Variants in SOBP observed in about 807,000 individuals in gnomAD.
SOBP encodes the protein sine oculis binding protein homolog.
In SOBP, 4 loss-of-function variants were observed where a neutral mutation model predicts 53.6. That is an observed-to-expected ratio of 0.07 (90% CI 0.04 to 0.17). SOBP has a LOEUF of 0.17. SOBP is among the 10% of genes least tolerant of loss of function. SOBP has a pLI of 1.00. For synonymous variants in SOBP, 584 were observed against 522.6 expected (o/e 1.12, Z -1.60); for missense variants, 1,088 against 1,204.7 (o/e 0.90, Z 1.43).
At chr6:107,616,665 T>C (rs916980421) in intron 5 of SOBP, among the ~76,000 whole-genome samples, 1 of 152,224 alleles carries the variant, frequency 6.6e-6, no homozygotes, top group East Asian at 1.9e-4. Flanking sequence ...AATTCTTAAA[T>C]TGAAAGCAAA....
rs141549197 is a variant in SOBP at position 107,504,971 on chromosome 6, G to T, written c.235+1176G>T. 6.4e-3 allele frequency among the ~76,000 whole-genome samples: 974 copies of T among 152,246 alleles called. 11 individuals carry two copies. The highest frequency in any genetic ancestry group is 0.023 in the African/African-American group (935 of 41,554). On this transcript the variant is annotated intron_variant, in intron 2 of 6. Transcript: ENST00000317357. ...TACAGCATGCCAGGATATGCTACTA[G>T]AACGAAAAAGTTGTTTTCCATGGTT...
chr6:107,551,799 T>A (rs1041033309), intron 4 of SOBP, among the ~76,000 whole-genome samples: 1 of 152,172 alleles, frequency 6.6e-6, no homozygotes, highest in South Asian at 2.1e-4. Flanking sequence ...AGCAGGTGGA[T>A]CACTTGGGGT....
chr6:107,636,762 G>A (rs1771063874), intron 6 of SOBP, among the ~76,000 whole-genome samples: 1 of 152,196 alleles, frequency 6.6e-6, no homozygotes, highest in Non-Finnish European at 1.5e-5. Context: ...GGCCAGGAGA[G>A]TGGATCTCGT....
Position 107,507,614 on chromosome 6 carries a change from G to GT in SOBP, c.421+1194dup, listed in dbSNP as rs199575196. Among the ~76,000 whole-genome samples the GT allele has an allele frequency of 7.4e-3, 1,124 of 152,126 alleles. 8 individuals are homozygous for GT. Among genetic ancestry groups the GT allele is most frequent in the African/African-American group, 0.026 (1,061 of 41,494 alleles). ...AGCCACCATTCCGGGCCCTAAAACA[G>GT]TTTTTTTAGCTCGTCAGCTATCGTT... On this transcript the variant is annotated intron_variant, in intron 3 of 6. Coordinates refer to ENST00000317357, the MANE Select transcript of SOBP (RefSeq NM_018013.4).
chr6:107,623,622 G>A (rs1770321157), intron 5 of SOBP, among the ~76,000 whole-genome samples: 1 of 152,134 alleles, frequency 6.6e-6, no homozygotes, highest in Non-Finnish European at 1.5e-5. Flanking sequence ...TCTACTTCTG[G>A]TTAATCTTTG....
At chr6:107,541,725 T>C (rs1416126231) in intron 4 of SOBP, among the ~76,000 whole-genome samples, 2 of 152,208 alleles carry the variant, frequency 1.3e-5, no homozygotes, top group East Asian at 1.9e-4. Context: ...ATTTAAAATA[T>C]GGTGAGCATT....
chr6:107,545,045 C>G (rs1784257838), intron 4 of SOBP, among the ~76,000 whole-genome samples: 1 of 152,130 alleles, frequency 6.6e-6, no homozygotes, highest in Non-Finnish European at 1.5e-5. Flanking sequence ...GTGTTCTTAA[C>G]TATCAAATGT....
intron 3 of SOBP, among the ~76,000 whole-genome samples, 187 bp from the exon 4 acceptor site, chr6:107,533,271 CA>C (rs762864049): frequency 0.066 from 2,161 of 32,798 alleles, 14 homozygotes; most frequent in African/African-American, 0.18. Flanking sequence ...ACTTAGGAGC[CA>C]AAAAAAAAAA....
intron 6 of SOBP, among the ~76,000 whole-genome samples, chr6:107,657,125 T>G (rs1255090560): frequency 3.3e-5 from 5 of 152,248 alleles, no homozygotes; most frequent in Non-Finnish European, 7.3e-5. Context: ...GACAAGCCCC[T>G]GACCTCTGGG....
At chr6:107,610,780 G>A (rs942458783) in intron 5 of SOBP, among the ~76,000 whole-genome samples, 3 of 143,542 alleles carry the variant, frequency 2.1e-5, no homozygotes, top group African/African-American at 5.4e-5. Flanking sequence ...GTGTGTGTGC[G>A]CACGTGTGTG....
intron 4 of SOBP, among the ~76,000 whole-genome samples, chr6:107,549,449 G>GA (rs61202616): frequency 1 from 148,196 of 148,738 alleles, 73,828 homozygotes; most frequent in African/African-American, 1. Context: ...AGAAACTCAG[G>GA]AAAAAAAAAA....
chr6:107,548,673 A>C (rs1784376766), intron 4 of SOBP, among the ~76,000 whole-genome samples: 1 of 152,188 alleles, frequency 6.6e-6, no homozygotes, highest in African/African-American at 2.4e-5. Context: ...GCAGAGGCTC[A>C]CATCTGTAAC....
intron 4 of SOBP, among the ~76,000 whole-genome samples, chr6:107,568,207 GA>G (rs987257730): frequency 1.3e-5 from 2 of 151,304 alleles, no homozygotes; most frequent in African/African-American, 4.9e-5. Flanking sequence ...AACTCATTAA[GA>G]AAAAAAAGAG....
chr6:107,622,715 T>C (rs986063934), intron 5 of SOBP, among the ~76,000 whole-genome samples: 5 of 152,098 alleles, frequency 3.3e-5, no homozygotes, highest in African/African-American at 1.2e-4. Context: ...TGCTTGAAAA[T>C]ATATCCTTGT....
intron 2 of SOBP, 46 bp from the exon 3 acceptor site, chr6:107,506,196 C>A (rs146772838): frequency 2.0e-6 from 3 of 1,537,800 alleles, no homozygotes; most frequent in East Asian, 2.2e-5. Context: ...AAGTCTACTG[C>A]ATTACATTCC....
intron 5 of SOBP, among the ~76,000 whole-genome samples, chr6:107,591,515 G>C (rs1785745672): frequency 6.6e-6 from 1 of 152,186 alleles, no homozygotes; most frequent in South Asian, 2.1e-4. Context: ...TTGCCAGGAA[G>C]TGTAAGGGAA....
rs139651811 is a variant in SOBP at position 107,550,141 on chromosome 6, G to A, written c.573+16531G>A. 4.2e-4 allele frequency among the ~76,000 whole-genome samples: 64 copies of A among 152,366 alleles called. No individual in the cohort carries two copies. In the East Asian group the frequency reaches 0.012, roughly 29 times the overall value. ...TGCAGGGCAGCTGCTAACAGGAACA[G>A]TTGACCCACACTCGGCTTGGACCAG... On this transcript the variant is annotated intron_variant, in intron 4 of 6. Coordinates refer to ENST00000317357, the MANE Select transcript of SOBP (RefSeq NM_018013.4).
chr6:107,556,979 A>T (rs1335724750), intron 4 of SOBP, among the ~76,000 whole-genome samples: 2 of 152,224 alleles, frequency 1.3e-5, no homozygotes, highest in East Asian at 3.8e-4. Context: ...CAGTAATAAC[A>T]AGAATATACA....
chr6:107,538,378 G>A (rs1344285198), intron 4 of SOBP, among the ~76,000 whole-genome samples: 1 of 152,174 alleles, frequency 6.6e-6, no homozygotes, highest in Non-Finnish European at 1.5e-5. Flanking sequence ...CATTCATGAA[G>A]GCTTGGAGAA....
Sources: gnomAD v4.1 joint callset for allele counts (sites outside exome capture counted in the v4.1 genomes callset) on GRCh38, gnomAD v4.1.1 for gene constraint, MANE v1.5 for transcripts, NCBI Gene and HGNC (gene_info 2026-07-23, HGNC 2026-07-21) for gene names.